The following RNF216 variants were observed in gnomAD, a reference collection of about 807,000 sequenced individuals.
The protein encoded by RNF216 is ring finger protein 216.
RNF216 carries 72 observed loss-of-function variants against 110.8 expected under a neutral mutation model. That is an observed-to-expected ratio of 0.65 (90% CI 0.54 to 0.79). RNF216 has a LOEUF of 0.79. Ranked by LOEUF, RNF216 falls within the 30% of genes least tolerant of loss-of-function variation. RNF216 has a pLI of 0.00. For missense variants in RNF216, 1,342 were observed against 1,141.2 expected (o/e 1.18, Z -2.54); for synonymous variants, 495 against 407.5 (o/e 1.21, Z -2.59).
At chr7:5,631,180 C>G (rs1019414258) in intron 15 of RNF216, among the ~76,000 whole-genome samples, 2 of 152,180 alleles carry the variant, frequency 1.3e-5, no homozygotes, top group South Asian at 2.1e-4. Flanking sequence ...AAACGCAGAG[C>G]AAGGGGCTGT....
chr7:5,699,479 C>A (rs1791830657), intron 13 of RNF216, among the ~76,000 whole-genome samples: 1 of 152,302 alleles, frequency 6.6e-6, no homozygotes, highest in African/African-American at 2.4e-5. Context: ...TGCCAAACTC[C>A]CTGCTCAAGC....
At chr7:5,684,860 A>C (rs1318306877) in intron 13 of RNF216, among the ~76,000 whole-genome samples, 1 of 151,756 alleles carries the variant, frequency 6.6e-6, no homozygotes, top group Non-Finnish European at 1.5e-5. Context: ...AGGTCAGTAA[A>C]ATTTTCCCCA....
In RNF216 at chr7:5,741,732, C is replaced by A. The variant is rs114446728; in HGVS notation, c.285G>T (p.Arg95Ser). The A allele has an allele frequency of 1.9e-6, 3 of 1,614,132 alleles. No homozygotes were observed. Among genetic ancestry groups the A allele is most frequent in the Non-Finnish European group, 2.5e-6 (3 of 1,180,034 alleles). ...WQDLKRLGEE[R>S]PKKSRAAFES... is the part of the protein sequence containing the mutation. ...CAAATGCTGCTCTAGACTTTTTAGGCCTTTCTTCTCCCAACCTTTTCAGAT... is the reference window on the plus strand; with the variant it reads ...CAAATGCTGCTCTAGACTTTTTAGGACTTTCTTCTCCCAACCTTTTCAGAT... Residue 95 changes from arginine (R) to serine (S), a missense_variant, in exon 4 of 17, where the codon AGG becomes AGT. Transcript: ENST00000389902.
chr7:5,641,344 T>A lies in RNF216; in HGVS notation c.2192A>T (p.Lys731Ile). The change falls in exon 15 of 17, where the codon AAA becomes ATA. Residue 731 changes from lysine (K) to isoleucine (I), a missense_variant. By Grantham distance (102) the Lys-to-Ile change is moderately radical. Transcript: ENST00000389902. Reference protein sequence around the residue: ...EEKMTAARIRKCHKCGTGLIK... With the variant: ...EEKMTAARIRICHKCGTGLIK... ...GAGGCCAGTCCCACACTTGTGGCAT[T>A]TTCTAATGCGGGCAGCAGTCATTTT... is the stretch of plus-strand genomic sequence containing the variant. 6.2e-7 allele frequency: 1 copy of A among 1,614,174 alleles called. No homozygotes were observed. Among genetic ancestry groups the A allele is most frequent in the Non-Finnish European group, 8.5e-7 (1 of 1,180,010 alleles).
intron 9 of RNF216, among the ~76,000 whole-genome samples, chr7:5,718,071 A>G (rs186499377): frequency 4.5e-4 from 68 of 152,336 alleles, no homozygotes; most frequent in African/African-American, 1.5e-3. Context: ...AAGACTAACA[A>G]TAATGGTTAT....
At chr7:5,706,693 G>A (rs546276410) in intron 13 of RNF216, among the ~76,000 whole-genome samples, 4 of 152,342 alleles carry the variant, frequency 2.6e-5, no homozygotes, top group East Asian at 1.9e-4. Flanking sequence ...AACATGCTGA[G>A]ATCCTTTCCC....
At chr7:5,751,928 C>T (rs1295617932) in intron 3 of RNF216, among the ~76,000 whole-genome samples, 2 of 150,690 alleles carry the variant, frequency 1.3e-5, no homozygotes, top group East Asian at 1.9e-4. Flanking sequence ...TGGCTCACGC[C>T]TATAATCTCA....
rs1218309680 is a variant in RNF216, at chr7:5,741,096, A to C, written c.921T>G (p.Asp307Glu). 3 of 1,614,046 alleles carry C rather than the reference A, an allele frequency of 1.9e-6. No homozygotes were observed. The highest frequency in any genetic ancestry group is 2.5e-6 in the Non-Finnish European group (3 of 1,180,016). Residue 307 changes from aspartate (D) to glutamate (E), a missense_variant, in exon 4 of 17, where the codon GAT becomes GAG. Coordinates refer to ENST00000389902, the MANE Select transcript of RNF216 (RefSeq NM_207111.4). Reference sequence around the variant, plus strand: ...GAAAGGCTGGACCTGGCTCTTCATCATCACTTGCTAACTGCTGGTCTTCAA... The same window carrying C: ...GAAAGGCTGGACCTGGCTCTTCATCCTCACTTGCTAACTGCTGGTCTTCAA... Reference protein sequence around the residue: ...GEFEDQQLASDDEEPGPAFPM... With the variant: ...GEFEDQQLASEDEEPGPAFPM...
chr7:5,741,305 G>T lies in RNF216; in HGVS notation c.712C>A (p.Leu238Met). ...CWLDHPYFQS[L>M]NQQPREITNQ... ...GTTATTTCACGGGGCTGTTGGTTCA[G>T]AGACTGGAAGTAAGGATGATCTAAC... Residue 238 changes from leucine (L) to methionine (M), a missense_variant, in exon 4 of 17, where the codon CTG (leucine) becomes ATG (methionine). By Grantham distance (15) the Leu-to-Met change is conservative. Coordinates refer to ENST00000389902, the MANE Select transcript of RNF216 (RefSeq NM_207111.4). The T allele has an allele frequency of 6.2e-7, 1 of 1,614,072 alleles. No individual in the cohort carries two copies. The highest frequency in any genetic ancestry group is 1.7e-5 in the Admixed American group (1 of 60,030).
At chr7:5,774,502 G>A (rs1034066746) in intron 1 of RNF216, among the ~76,000 whole-genome samples, 1 of 152,190 alleles carries the variant, frequency 6.6e-6, no homozygotes, top group Non-Finnish European at 1.5e-5. Flanking sequence ...TGAATTACAT[G>A]AAGTTTTAGC....
chr7:5,702,907 T>G (rs1792059734), intron 13 of RNF216, among the ~76,000 whole-genome samples: 1 of 152,188 alleles, frequency 6.6e-6, no homozygotes, highest in African/African-American at 2.4e-5. Flanking sequence ...ATCACCTGAC[T>G]TTAAGCCAGT....
intron 13 of RNF216, among the ~76,000 whole-genome samples, chr7:5,668,225 T>C (rs1228544654): frequency 7.8e-6 from 1 of 128,048 alleles, no homozygotes; most frequent in Admixed American, 7.5e-5. Flanking sequence ...CAAAGCGGAC[T>C]TTTTTTTTTT....
chr7:5,726,612 C>T (rs1280724863), intron 7 of RNF216, among the ~76,000 whole-genome samples: 1 of 152,096 alleles, frequency 6.6e-6, no homozygotes, highest in African/African-American at 2.4e-5. Context: ...AATCCCAGCA[C>T]TTTGGGAGGC....
intron 13 of RNF216, among the ~76,000 whole-genome samples, chr7:5,664,455 A>G (rs575581412): frequency 2.6e-5 from 4 of 152,218 alleles, no homozygotes; most frequent in Admixed American, 6.5e-5. Flanking sequence ...AAAGTACTGC[A>G]TATGTTTCAA....
At chr7:5,633,894 C>A (rs2128561162) in intron 15 of RNF216, among the ~76,000 whole-genome samples, 1 of 152,348 alleles carries the variant, frequency 6.6e-6, no homozygotes, top group East Asian at 1.9e-4. Flanking sequence ...CACAAACATC[C>A]TCCCTTAGCT....
chr7:5,754,787 G>A (rs955094499), intron 2 of RNF216, among the ~76,000 whole-genome samples: 1 of 152,090 alleles, frequency 6.6e-6, no homozygotes, highest in Admixed American at 6.5e-5. Context: ...CAGAACTTTG[G>A]GAGGCCTAGA....
intron 15 of RNF216, among the ~76,000 whole-genome samples, chr7:5,635,627 C>A (rs1787350657): frequency 6.6e-6 from 1 of 152,144 alleles, no homozygotes. Flanking sequence ...GCCTGATCCA[C>A]CAGGGAGATG....
In RNF216 at chr7:5,739,155, T is replaced by A. The variant is rs941186689; in HGVS notation, c.1121+121A>T. On this transcript the variant is annotated intron_variant, in intron 5 of 16. Coordinates refer to ENST00000389902, the MANE Select transcript of RNF216 (RefSeq NM_207111.4). Reference sequence around the variant, plus strand: ...GATGGTGGTGATAGTTGCATAATAATGTGAATTTACTTAACAACACCAAAT... The same window carrying A: ...GATGGTGGTGATAGTTGCATAATAAAGTGAATTTACTTAACAACACCAAAT... 5.1e-6 allele frequency: 6 copies of A among 1,186,440 alleles called. No individual in the cohort carries two copies. The African/African-American group carries it at 9.4e-5, about 19-fold the overall frequency. The allele number at this position is 1,186,440 out of a possible 1,614,324, so 73.5% of individuals were successfully genotyped here.
At chr7:5,754,936 G>A (rs1795539402) in intron 2 of RNF216, among the ~76,000 whole-genome samples, 1 of 151,864 alleles carries the variant, frequency 6.6e-6, no homozygotes, top group Admixed American at 6.6e-5. Context: ...ACTGAGGCAG[G>A]AGAATCGCTT....
Sources: gnomAD v4.1 joint callset for allele counts (sites outside exome capture counted in the v4.1 genomes callset) on GRCh38, gnomAD v4.1.1 for gene constraint, MANE v1.5 for transcripts, NCBI Gene and HGNC (gene_info 2026-07-23, HGNC 2026-07-21) for gene names.